The following ATP8B1 variants were observed in gnomAD, a reference collection of about 807,000 sequenced individuals.
ATP8B1 encodes the protein phospholipid-transporting ATPase IC.
Under a neutral mutation model 149.9 loss-of-function variants are expected in ATP8B1, and 80 were observed. That is an observed-to-expected ratio of 0.53 (90% CI 0.45 to 0.64). The LOEUF (loss-of-function observed/expected upper bound fraction) is 0.64, where lower values mean the gene tolerates loss of function less well. Ranked by LOEUF, ATP8B1 falls within the 30% of genes least tolerant of loss-of-function variation. The pLI is 0.00. For missense variants in ATP8B1, 1,247 were observed against 1,552.6 expected (o/e 0.80, Z 3.31); for synonymous variants, 536 against 562.8 (o/e 0.95, Z 0.67).
rs952082684 is a variant in ATP8B1 at position 57,646,607 on chromosome 18, T to C, written c.*1881A>G. On this transcript the variant is annotated 3_prime_UTR_variant, in exon 28 of 28. Transcript: ENST00000648908. ...TTGACACATTTGCATTGTCAATCTT[T>C]CCCACAATTTGCAAAAACAGGAGAG... is the stretch of plus-strand genomic sequence containing the variant. 2.6e-5 allele frequency: 4 copies of C among 152,608 alleles called. No homozygotes were observed. Among genetic ancestry groups the C allele is most frequent in the African/African-American group, 9.7e-5 (4 of 41,442 alleles). The allele number at this position is 152,608 out of a possible 1,614,324, so 9.5% of individuals were successfully genotyped here.
At chr18:57,666,497 A>G (rs1910863999) in intron 20 of ATP8B1, among the ~76,000 whole-genome samples, 1 of 150,732 alleles carries the variant, frequency 6.6e-6, no homozygotes, top group Non-Finnish European at 1.5e-5. Context: ...TAGCGATATT[A>G]CAGGCTTTTT....
At chr18:57,763,397 GA>G (rs71171089) in intron 1 of ATP8B1, among the ~76,000 whole-genome samples, 57,548 of 145,960 alleles carry the variant, frequency 0.39, 11,020 homozygotes, top group Non-Finnish European at 0.42. Context: ...CATCTCAAAA[GA>G]AAAAAAAAAA....
intron 16 of ATP8B1, among the ~76,000 whole-genome samples, chr18:57,674,587 C>T (rs56119246): frequency 2.0e-5 from 3 of 151,614 alleles, no homozygotes; most frequent in South Asian, 4.2e-4. Flanking sequence ...GGGGTTTCAC[C>T]GTGTTAGCCA....
chr18:57,714,482 A>C (rs1224388708), intron 2 of ATP8B1, among the ~76,000 whole-genome samples: 7 of 150,264 alleles, frequency 4.7e-5, no homozygotes, highest in African/African-American at 1.7e-4. Context: ...TGTCTGACCC[A>C]GTACATTCTC....
At chr18:57,685,943 A>C (rs896304689) in intron 13 of ATP8B1, among the ~76,000 whole-genome samples, 9 of 140,890 alleles carry the variant, frequency 6.4e-5, no homozygotes, top group Admixed American at 4.3e-4. Flanking sequence ...AAAAACAAAA[A>C]CAAAACCAAA....
chr18:57,689,531 G>T (rs1230171383), intron 12 of ATP8B1, among the ~76,000 whole-genome samples: 1 of 152,130 alleles, frequency 6.6e-6, no homozygotes, highest in Non-Finnish European at 1.5e-5. Flanking sequence ...GAAAAATGAT[G>T]CTCTCCCCAC....
In ATP8B1 at chr18:57,731,751, G is replaced by C; in HGVS notation, c.57C>G (p.Asp19Glu). The C allele has an allele frequency of 6.2e-7, 1 of 1,614,046 alleles. No individual in the cohort carries two copies. The highest frequency in any genetic ancestry group is 8.5e-7 in the Non-Finnish European group (1 of 1,180,012). The change falls in exon 2 of 28, where the codon GAC becomes GAG. Residue 19 changes from aspartate to glutamate, a missense_variant. By Grantham distance (45) the Asp-to-Glu change is conservative. Around this residue, in one of 3 missense-constraint regions of ATP8B1, gnomAD observed 853 missense variants for 1,035.7 expected, o/e 0.82. Transcript: ENST00000648908. ...CATCATCACTGTAGGGAACCACTTCGTCATTAGGCTGAGAATCCTCGTCAA... is the reference window on the plus strand; with the variant it reads ...CATCATCACTGTAGGGAACCACTTCCTCATTAGGCTGAGAATCCTCGTCAA... ...TTFDEDSQPN[D>E]EVVPYSDDET...
chr18:57,707,324 G>C (rs999193309), intron 2 of ATP8B1, among the ~76,000 whole-genome samples: 3 of 152,044 alleles, frequency 2.0e-5, no homozygotes, highest in African/African-American at 7.2e-5. Context: ...GAAAAGAAAA[G>C]AGAATGAGGA....
intron 16 of ATP8B1, 97 bp downstream of exon 16, chr18:57,674,737 T>C: frequency 1.4e-6 from 2 of 1,388,294 alleles, no homozygotes; most frequent in Non-Finnish European, 2.0e-6. Context: ...GCCAAGTAGC[T>C]CTTTCACTGG....
In ATP8B1 at chr18:57,758,717, G is replaced by A. The variant is rs376261552; in HGVS notation, c.-25-26885C>T. The stretch of plus-strand genomic sequence containing the variant: ...TTTCCTTTTTTCTTTTACAAAAGTA[G>A]AAAATATATGTTCTTTTGCACTTAG... On this transcript the variant is annotated intron_variant, in intron 1 of 27. Coordinates refer to ENST00000648908, the MANE Select transcript of ATP8B1 (RefSeq NM_001374385.1). Among the ~76,000 whole-genome samples, 6 of 150,300 alleles carry A rather than the reference G, an allele frequency of 4.0e-5. No homozygotes were observed. The East Asian group carries it at 1.2e-3, about 29-fold the overall frequency.
chr18:57,681,530 G>C (rs1911970359), intron 15 of ATP8B1, among the ~76,000 whole-genome samples: 1 of 152,146 alleles, frequency 6.6e-6, no homozygotes, highest in Non-Finnish European at 1.5e-5. Flanking sequence ...GCAGGGTGTG[G>C]TGGCTCACGC....
intron 13 of ATP8B1, 150 bp downstream of exon 13, chr18:57,688,149 C>T (rs2122847846): frequency 1.1e-6 from 1 of 883,340 alleles, no homozygotes. Flanking sequence ...TGGTGCTCCT[C>T]TGGTGCTTAG....
chr18:57,758,411 C>T (rs1346210060), intron 1 of ATP8B1, among the ~76,000 whole-genome samples: 4 of 151,554 alleles, frequency 2.6e-5, no homozygotes, highest in South Asian at 2.1e-4. Context: ...GAGGCTGAGG[C>T]GGGTGGATCA....
chr18:57,694,646 T>C lies in ATP8B1; in HGVS notation c.965A>G (p.Asn322Ser), dbSNP rs776398424. ...TCTTTTAAATCTGGTTTTCCCACTA[T>C]TCTTCATTATTTTAGTGTCAGCACC... ...FAGADTKIMK[N>S]SGKTRFKRTK... The change falls in exon 11 of 28, where the codon AAT (asparagine) becomes AGT (serine). Residue 322 changes from asparagine (N) to serine (S), a missense_variant. Coordinates refer to ENST00000648908, the MANE Select transcript of ATP8B1 (RefSeq NM_001374385.1). 2 of 1,594,494 alleles carry C rather than the reference T, an allele frequency of 1.3e-6. No individual in the cohort carries two copies. The highest frequency in any genetic ancestry group is 2.2e-5 in the South Asian group (2 of 90,640).
At chr18:57,774,112 C>T (rs1038084149) in intron 1 of ATP8B1, among the ~76,000 whole-genome samples, 1 of 152,216 alleles carries the variant, frequency 6.6e-6, no homozygotes, top group Non-Finnish European at 1.5e-5. Flanking sequence ...CTTGGGGCCA[C>T]ACAGTGTCTG....
chr18:57,798,473 GT>G (rs950520315), intron 1 of ATP8B1, among the ~76,000 whole-genome samples: 1 of 152,018 alleles, frequency 6.6e-6, no homozygotes, highest in Non-Finnish European at 1.5e-5. Flanking sequence ...TGGCACACCT[GT>G]GGTCCCAGCC....
intron 15 of ATP8B1, 41 bp from the exon 16 acceptor site, chr18:57,675,063 A>G (rs1030344628): frequency 1.2e-6 from 2 of 1,602,896 alleles, no homozygotes; most frequent in African/African-American, 1.3e-5. Flanking sequence ...AGCTGTAAAA[A>G]CAAATGCAGA....
chr18:57,783,133 T>C (rs1485004950), intron 1 of ATP8B1, among the ~76,000 whole-genome samples: 1 of 152,074 alleles, frequency 6.6e-6, no homozygotes, highest in Non-Finnish European at 1.5e-5. Flanking sequence ...TTTCTAAAGA[T>C]GCACTGGCTG....
chr18:57,787,519 C>T (rs1214131236), intron 1 of ATP8B1, among the ~76,000 whole-genome samples: 1 of 152,074 alleles, frequency 6.6e-6, no homozygotes, highest in African/African-American at 2.4e-5. Flanking sequence ...GCGGGTGGAG[C>T]TCCATCTAGG....
Sources: gnomAD v4.1 joint callset for allele counts (sites outside exome capture counted in the v4.1 genomes callset) on GRCh38, gnomAD v4.1.1 for gene constraint, gnomAD v4.1.1 regional missense constraint, MANE v1.5 for transcripts, NCBI Gene and HGNC (gene_info 2026-07-23, HGNC 2026-07-21) for gene names.